DOCK5: variants seen among roughly 807,000 people sequenced by gnomAD.
DOCK5 encodes dedicator of cytokinesis protein 5.
DOCK5 carries 142 observed loss-of-function variants against 251.8 expected under a neutral mutation model. The ratio of observed to expected loss-of-function variants is 0.56; its 90% CI spans 0.49 to 0.65. DOCK5 has a LOEUF of 0.65. Ranked by LOEUF, DOCK5 falls within the 30% of genes least tolerant of loss-of-function variation. The pLI is 0.00. For missense variants in DOCK5, 2,111 were observed against 2,312.3 expected (o/e 0.91, Z 1.79); for synonymous variants, 842 against 835.5 (o/e 1.01, Z -0.13).
intron 2 of DOCK5, among the ~76,000 whole-genome samples, chr8:25,245,595 A>G (rs965254796): frequency 6.7e-5 from 10 of 148,380 alleles, no homozygotes; most frequent in African/African-American, 2.5e-4. Flanking sequence ...GCTGGAGTGC[A>G]GTGGCACAAT....
Position 25,209,575 on chromosome 8 carries a change from C to G in DOCK5, c.43+24624C>G, listed in dbSNP as rs1417617219. Among the ~76,000 whole-genome samples, 3 of 70,758 alleles carry G rather than the reference C, an allele frequency of 4.2e-5. 1 individual carries two copies. Among genetic ancestry groups the G allele is most frequent in the Non-Finnish European group, 9.2e-5 (2 of 21,622 alleles). 46.4% of individuals were successfully genotyped at this position (70,758 alleles called of 152,430 possible). A position where few individuals can be genotyped will look rare whatever the true frequency, so the allele number is the denominator to read the frequency against. On this transcript the variant is annotated intron_variant, in intron 1 of 51. Transcript: ENST00000276440. ...GAGACTGTAATGAAAGCTGTGGATTCTTTCCACAGAAAATGGTGCATATGT... is the reference window on the plus strand; with the variant it reads ...GAGACTGTAATGAAAGCTGTGGATTGTTTCCACAGAAAATGGTGCATATGT...
rs1398327178 is a variant in DOCK5 at position 25,389,120 on chromosome 8, G to GTAT, written c.4162_4164dup (p.Tyr1388dup). On this transcript the variant is annotated inframe_insertion, in exon 41 of 52. Transcript: ENST00000276440. ...AAATCTTCATCTATCGGGGAAAGGA[G>GTAT]TATGAGAGGCGAGAGGACTTCAGCC... is the stretch of plus-strand genomic sequence containing the variant. 6.2e-7 allele frequency: 1 copy of GTAT among 1,613,998 alleles called. No homozygotes were observed. The highest frequency in any genetic ancestry group is 2.2e-5 in the East Asian group (1 of 44,868).
intron 38 of DOCK5, among the ~76,000 whole-genome samples, chr8:25,378,732 A>T (rs558927017): frequency 2.6e-5 from 4 of 152,358 alleles, no homozygotes; most frequent in African/African-American, 9.6e-5. Context: ...CCTAAAACTC[A>T]TCCACTAAGT....
chr8:25,267,866 A>AT (rs541488063), intron 2 of DOCK5, among the ~76,000 whole-genome samples: 163 of 146,078 alleles, frequency 1.1e-3, no homozygotes, highest in Admixed American at 1.9e-3. Flanking sequence ...CTTTATTGGA[A>AT]TTTTTTTTTT....
At chr8:25,218,965 A>G (rs1802316320) in intron 1 of DOCK5, among the ~76,000 whole-genome samples, 1 of 152,190 alleles carries the variant, frequency 6.6e-6, no homozygotes, top group South Asian at 2.1e-4. Context: ...TCTTCTTCTC[A>G]CCCAAATCTC....
rs374393131 is a variant in DOCK5 at position 25,262,136 on chromosome 8, A to T, written c.128-6709A>T. Reference sequence around the variant, plus strand: ...TGAGGATGTGGCCAGGTCATAGGATAAGTGTACGTTTAACTTTATAAGAAA... The same window carrying T: ...TGAGGATGTGGCCAGGTCATAGGATTAGTGTACGTTTAACTTTATAAGAAA... On this transcript the variant is annotated intron_variant, in intron 2 of 51. Coordinates refer to ENST00000276440, the MANE Select transcript of DOCK5 (RefSeq NM_024940.8). Among the ~76,000 whole-genome samples, 32 of 152,316 alleles carry T rather than the reference A, an allele frequency of 2.1e-4. No individual in the cohort carries two copies. In the East Asian group the frequency reaches 3.1e-3, roughly 15 times the overall value.
At chr8:25,270,660 C>A in intron 3 of DOCK5, 1 of 416,596 alleles carries the variant, frequency 2.4e-6, no homozygotes, top group South Asian at 1.0e-4. Context: ...CAATTACGTT[C>A]AACCAAGGTC....
intron 2 of DOCK5, among the ~76,000 whole-genome samples, chr8:25,255,290 T>C (rs529298471): frequency 2.0e-5 from 3 of 152,306 alleles, no homozygotes; most frequent in Admixed American, 6.5e-5. Context: ...ATTGCCAAAA[T>C]GTGGGAGTAA....
At chr8:25,388,877 A>AT in intron 40 of DOCK5, 1 of 542,046 alleles carries the variant, frequency 1.8e-6, no homozygotes. Flanking sequence ...TGGGCTAAGT[A>AT]TTTTTTATGC....
intron 21 of DOCK5, 42 bp from the exon 22 acceptor site, chr8:25,336,197 C>CT: frequency 4.4e-6 from 7 of 1,593,168 alleles, no homozygotes; most frequent in Non-Finnish European, 6.0e-6. Flanking sequence ...TCAGAGTATC[C>CT]TGTTGCTCAT....
chr8:25,214,191 G>C (rs1486382880), intron 1 of DOCK5, among the ~76,000 whole-genome samples: 1 of 152,144 alleles, frequency 6.6e-6, no homozygotes, highest in Non-Finnish European at 1.5e-5. Context: ...TCAGGTTTCT[G>C]GATTAGGGAT....
intron 34 of DOCK5, among the ~76,000 whole-genome samples, chr8:25,369,866 G>T (rs553712167): frequency 6.6e-6 from 1 of 152,192 alleles, no homozygotes; most frequent in Non-Finnish European, 1.5e-5. Flanking sequence ...TGGCCCTAGA[G>T]AACACAGCAG....
intron 27 of DOCK5, among the ~76,000 whole-genome samples, chr8:25,357,413 C>T (rs1245974715): frequency 7.9e-6 from 1 of 125,880 alleles, no homozygotes; most frequent in African/African-American, 3.0e-5. Flanking sequence ...GGCTCTGGCT[C>T]TGTCACCCAG....
chr8:25,332,054 T>TC (rs1257838206), intron 18 of DOCK5, among the ~76,000 whole-genome samples, 197 bp from the exon 19 acceptor site: 1 of 152,190 alleles, frequency 6.6e-6, no homozygotes, highest in Non-Finnish European at 1.5e-5. Context: ...TTAATTTTTT[T>TC]CTCTTTGAAG....
chr8:25,346,007 G>A (rs927275738), intron 26 of DOCK5, among the ~76,000 whole-genome samples: 3 of 152,078 alleles, frequency 2.0e-5, no homozygotes, highest in African/African-American at 4.8e-5. Context: ...CCGCCACCAC[G>A]CCCGGCTAAT....
rs1296852166 is a variant in DOCK5 at position 25,325,366 on chromosome 8, T to C, written c.1722T>C (p.Gly574=). 6.8e-6 allele frequency: 11 copies of C among 1,613,332 alleles called. No individual in the cohort carries two copies. Among genetic ancestry groups the C allele is most frequent in the Non-Finnish European group, 9.3e-6 (11 of 1,179,638 alleles). ...GTTCCTAACATGCTTCCTTTTAGGG[T>C]GACAACAAAAAAATGGAAGATGCTA... The part of the protein sequence containing the change: ...DGRHDLVVYK[G]DNKKMEDAKF... The change falls in exon 18 of 52, where the codon GGT becomes GGC. Residue 574 remains glycine, a splice_region_variant and synonymous_variant. Transcript: ENST00000276440.
At chr8:25,261,763 A>T (rs80179263) in intron 2 of DOCK5, among the ~76,000 whole-genome samples, 174 of 152,268 alleles carry the variant, frequency 1.1e-3, no homozygotes, top group Middle Eastern at 6.8e-3. Context: ...CTTTATCCAC[A>T]CAGTTCCCAC....
chr8:25,263,786 G>A (rs1044019347), intron 2 of DOCK5, among the ~76,000 whole-genome samples: 6 of 151,686 alleles, frequency 4.0e-5, no homozygotes, highest in African/African-American at 1.5e-4. Context: ...ACCCCTCTGC[G>A]GATGTGCAGC....
intron 1 of DOCK5, among the ~76,000 whole-genome samples, chr8:25,222,906 G>T (rs1586240680): frequency 6.6e-6 from 1 of 152,210 alleles, no homozygotes; most frequent in East Asian, 1.9e-4. Context: ...GTCGCCAGCA[G>T]ATGACACCCC....
Sources: gnomAD v4.1 joint callset for allele counts (sites outside exome capture counted in the v4.1 genomes callset) on GRCh38, gnomAD v4.1.1 for gene constraint, MANE v1.5 for transcripts, NCBI Gene and HGNC (gene_info 2026-07-23, HGNC 2026-07-21) for gene names.